The following GRB10 variants were observed in gnomAD, a reference collection of about 807,000 sequenced individuals.
The protein encoded by GRB10 is growth factor receptor-bound protein 10.
GRB10 carries 20 observed loss-of-function variants against 80.9 expected under a neutral mutation model. That is an observed-to-expected ratio of 0.25 (90% CI 0.17 to 0.36). The LOEUF (loss-of-function observed/expected upper bound fraction) is 0.36, where lower values mean the gene tolerates loss of function less well. Among genes scored for constraint, GRB10 ranks in the 10% least tolerant of loss-of-function variants. The pLI is 1.00. For synonymous variants in GRB10, 291 were observed against 291.5 expected (o/e 1.00, Z 0.02); for missense variants, 548 against 747.7 (o/e 0.73, Z 3.12).
chr7:50,659,498 C>T (rs766502703), intron 7 of GRB10, among the ~76,000 whole-genome samples: 1 of 152,204 alleles, frequency 6.6e-6, no homozygotes, highest in East Asian at 1.9e-4. Flanking sequence ...TCACAGTCAC[C>T]GAGGACACCC....
At chr7:50,712,924 C>A (rs750693607) in intron 4 of GRB10, among the ~76,000 whole-genome samples, 18 of 152,326 alleles carry the variant, frequency 1.2e-4, no homozygotes, top group Admixed American at 2.6e-4. Flanking sequence ...TCACCACAAT[C>A]TAATTTTAGA....
chr7:50,680,536 C>A (rs1228674636), intron 5 of GRB10, among the ~76,000 whole-genome samples: 1 of 152,220 alleles, frequency 6.6e-6, no homozygotes, highest in African/African-American at 2.4e-5. Flanking sequence ...AGTGGCAGGG[C>A]TCCAATCAGT....
intron 4 of GRB10, among the ~76,000 whole-genome samples, chr7:50,731,938 A>C (rs2069818107): frequency 6.6e-6 from 1 of 152,350 alleles, no homozygotes; most frequent in East Asian, 1.9e-4. Context: ...CCGACCCAGA[A>C]GGTGAAAAAC....
intron 5 of GRB10, among the ~76,000 whole-genome samples, chr7:50,694,843 T>C (rs1443900901): frequency 1.3e-5 from 2 of 152,206 alleles, no homozygotes; most frequent in East Asian, 1.9e-4. Flanking sequence ...TATAGGTACA[T>C]TGAGAAACTG....
intron 17 of GRB10, among the ~76,000 whole-genome samples, chr7:50,599,041 T>C (rs1411962291): frequency 6.6e-6 from 1 of 152,100 alleles, no homozygotes; most frequent in African/African-American, 2.4e-5. Flanking sequence ...AGACCTAGAT[T>C]TCCCCTTAAA....
At chr7:50,636,680 C>A (rs1271823250) in intron 7 of GRB10, among the ~76,000 whole-genome samples, 1 of 152,002 alleles carries the variant, frequency 6.6e-6, no homozygotes, top group South Asian at 2.1e-4. Context: ...AAATACAACA[C>A]CCCTTCATGA....
At position 50,626,923 on chromosome 7, in the gene GRB10, T is replaced by C; in HGVS notation, c.560A>G (p.Asp187Gly). The C allele has an allele frequency of 6.2e-7, 1 of 1,614,186 alleles. No individual in the cohort carries two copies. Among genetic ancestry groups the C allele is most frequent in the Non-Finnish European group, 8.5e-7 (1 of 1,180,006 alleles). Reference sequence around the variant, plus strand: ...TTGGCACAGGTCTCTGGCTGTCATGTCTGCTAGAATCTCCACCACTTTGCT... The same window carrying C: ...TTGGCACAGGTCTCTGGCTGTCATGCCTGCTAGAATCTCCACCACTTTGCT... ...GTSKVVEILA[D>G]MTARDLCQLL... Residue 187 changes from aspartate to glycine, a missense_variant, in exon 8 of 19, where the codon GAC becomes GGC. This residue lies in a region of GRB10 where 270 missense variants were observed against 433.6 expected (regional missense o/e 0.62). Coordinates refer to ENST00000401949, the MANE Select transcript of GRB10 (RefSeq NM_001350814.2).
At chr7:50,635,156 T>TA (rs980165145) in intron 7 of GRB10, among the ~76,000 whole-genome samples, 34 of 152,320 alleles carry the variant, frequency 2.2e-4, no homozygotes, top group Non-Finnish European at 4.3e-4. Flanking sequence ...ATAAATTTTT[T>TA]AAAAAATCAA....
chr7:50,736,878 C>CA (rs1261499554), intron 3 of GRB10, among the ~76,000 whole-genome samples: 1 of 152,080 alleles, frequency 6.6e-6, no homozygotes, highest in Non-Finnish European at 1.5e-5. Context: ...ACACCATAAG[C>CA]AAAAAGCAAC....
chr7:50,622,285 GC>G (rs1183244780), intron 8 of GRB10, among the ~76,000 whole-genome samples: 2 of 152,176 alleles, frequency 1.3e-5, no homozygotes, highest in Admixed American at 6.5e-5. Context: ...CATAAAACCA[GC>G]CTGCAAAAGG....
At chr7:50,731,855 G>A (rs1331981381) in intron 4 of GRB10, among the ~76,000 whole-genome samples, 1 of 152,128 alleles carries the variant, frequency 6.6e-6, no homozygotes, top group African/African-American at 2.4e-5. Context: ...TCCCTCACGC[G>A]TGAGCACATG....
chr7:50,793,353 G>C (rs1356479791), exon 1 of GRB10: 1 of 147,218 alleles, frequency 6.8e-6, no homozygotes, highest in African/African-American at 2.5e-5. Flanking sequence ...CGCCGCCGGC[G>C]CTGCCGCCAC....
intron 3 of GRB10, among the ~76,000 whole-genome samples, chr7:50,753,980 G>A (rs931173403): frequency 3.9e-5 from 6 of 152,162 alleles, no homozygotes; most frequent in Admixed American, 6.5e-5. Context: ...AAGAAAACTC[G>A]TCCCAAATCT....
chr7:50,617,985 A>C lies in GRB10; in HGVS notation c.846+86T>G, dbSNP rs1585760773. The C allele has an allele frequency of 2.7e-6, 3 of 1,117,424 alleles. No homozygotes were observed. In the East Asian group the frequency reaches 7.0e-5, roughly 26 times the overall value. 69.2% of individuals were successfully genotyped at this position (1,117,424 alleles called of 1,614,324 possible). On this transcript the variant is annotated intron_variant, in intron 10 of 18. Transcript: ENST00000401949. Reference sequence around the variant, plus strand: ...AAATGGTGAAAGATGCGATCTCTTTAGGTTTTTTACAATGCTGCCATTCAG... The same window carrying C: ...AAATGGTGAAAGATGCGATCTCTTTCGGTTTTTTACAATGCTGCCATTCAG...
Position 50,699,523 on chromosome 7 carries a change from T to G in GRB10, c.139+4298A>C, listed in dbSNP as rs912970158. On this transcript the variant is annotated intron_variant, in intron 5 of 18. Coordinates refer to ENST00000401949, the MANE Select transcript of GRB10 (RefSeq NM_001350814.2). ...TTCTGCCAGGTGAAATGATTATTTT[T>G]TTCCCTTTAATTCTGACATATTCAG... Among the ~76,000 whole-genome samples the G allele has an allele frequency of 3.3e-5, 5 of 152,216 alleles. No individual in the cohort carries two copies. The South Asian group carries it at 1.0e-3, about 32-fold the overall frequency.
intron 3 of GRB10, among the ~76,000 whole-genome samples, chr7:50,754,288 G>A (rs1031883291): frequency 3.9e-5 from 6 of 152,192 alleles, no homozygotes; most frequent in Non-Finnish European, 7.3e-5. Context: ...CACAAAGCGT[G>A]GCTTTTTCTC....
chr7:50,756,658 C>T (rs1228565565), intron 2 of GRB10, among the ~76,000 whole-genome samples: 1 of 152,152 alleles, frequency 6.6e-6, no homozygotes, highest in Middle Eastern at 3.2e-3. Flanking sequence ...GGCGCAGAGC[C>T]CTCAGTTCAC....
chr7:50,679,057 G>A (rs767732546), intron 5 of GRB10, among the ~76,000 whole-genome samples: 14 of 152,296 alleles, frequency 9.2e-5, no homozygotes, highest in Middle Eastern at 3.4e-3. Flanking sequence ...GGATTTATAA[G>A]AATGTATTTT....
At chr7:50,646,408 TCA>T (rs1311069736) in intron 7 of GRB10, among the ~76,000 whole-genome samples, 3 of 152,222 alleles carry the variant, frequency 2.0e-5, no homozygotes, top group African/African-American at 7.2e-5. Flanking sequence ...GTCCGCAGTG[TCA>T]CCTCTGGAGA....
Sources: gnomAD v4.1 joint callset for allele counts (sites outside exome capture counted in the v4.1 genomes callset) on GRCh38, gnomAD v4.1.1 for gene constraint, gnomAD v4.1.1 regional missense constraint, MANE v1.5 for transcripts, NCBI Gene and HGNC (gene_info 2026-07-23, HGNC 2026-07-21) for gene names.